TMEM108: variants seen among roughly 807,000 people sequenced by gnomAD.
The protein encoded by TMEM108 is cancer/testis antigen 124.
TMEM108 carries 12 observed loss-of-function variants against 35.1 expected under a neutral mutation model. The observed-to-expected ratio is 0.34, with a 90% CI of 0.22 to 0.55. The LOEUF is 0.55. Among genes scored for constraint, TMEM108 ranks in the 20% least tolerant of loss-of-function variants. The probability of loss-of-function intolerance (pLI) is 0.89; values close to 1 mark genes in which losing one functional copy is unlikely to be tolerated. For missense variants in TMEM108, 680 were observed against 753.3 expected (o/e 0.90, Z 1.14); for synonymous variants, 287 against 308.6 (o/e 0.93, Z 0.73).
intron 3 of TMEM108, among the ~76,000 whole-genome samples, chr3:133,323,651 T>G (rs1375966492): frequency 6.6e-6 from 1 of 152,148 alleles, no homozygotes; most frequent in Non-Finnish European, 1.5e-5. Context: ...CCATCATCAT[T>G]CTTCACAAAA....
At chr3:133,210,470 C>G (rs1945819711) in intron 2 of TMEM108, among the ~76,000 whole-genome samples, 1 of 152,110 alleles carries the variant, frequency 6.6e-6, no homozygotes, top group South Asian at 2.1e-4. Context: ...CATCCCATAA[C>G]CTGGGAGTCA....
rs576874864 is a variant in TMEM108, at chr3:133,139,839, C to T, written c.-46-89427C>T. On this transcript the variant is annotated intron_variant, in intron 2 of 5. Coordinates refer to ENST00000321871, the MANE Select transcript of TMEM108 (RefSeq NM_023943.4). ...TGACATCTCTTATTTCTGATAGTACCCTGGGCACTGTTTTCCATGCCCTGT... is the reference window on the plus strand; with the variant it reads ...TGACATCTCTTATTTCTGATAGTACTCTGGGCACTGTTTTCCATGCCCTGT... Among the ~76,000 whole-genome samples the T allele has an allele frequency of 2.6e-5, 4 of 152,236 alleles. No individual in the cohort carries two copies. The East Asian group carries it at 5.8e-4, about 22-fold the overall frequency.
intron 2 of TMEM108, among the ~76,000 whole-genome samples, chr3:133,105,514 T>A (rs13094054): frequency 3.3e-5 from 5 of 152,144 alleles, no homozygotes; most frequent in Non-Finnish European, 4.4e-5. Flanking sequence ...TTTCCCTGTC[T>A]TAAAGTCAGC....
At chr3:133,105,621 A>ATGTGTG (rs146156516) in intron 2 of TMEM108, among the ~76,000 whole-genome samples, 1 of 151,806 alleles carries the variant, frequency 6.6e-6, no homozygotes, top group Admixed American at 6.6e-5. Flanking sequence ...CCTTGGGGGT[A>ATGTGTG]TGTGTGTGCG....
In TMEM108 at chr3:133,072,166, C is replaced by T. The variant is rs545880729; in HGVS notation, c.-47+26146C>T. Among the ~76,000 whole-genome samples, 5 of 152,128 alleles carry T rather than the reference C, an allele frequency of 3.3e-5. 1 individual carries two copies. The highest frequency in any genetic ancestry group is 1.2e-4 in the African/African-American group (5 of 41,524). On this transcript the variant is annotated intron_variant, in intron 2 of 5. Transcript: ENST00000321871. ...CTCTCTATTCCATTTCTAAGCTTAC[C>T]AGATCATTAGGAGAATCCTGATGAC...
At chr3:133,386,565 C>T (rs940377987) in intron 4 of TMEM108, 17 of 1,492,672 alleles carry the variant, frequency 1.1e-5, no homozygotes, top group East Asian at 5.0e-5. Context: ...TTCCTGGGAA[C>T]CCAAGAGAGC....
At chr3:133,355,627 A>G (rs1167730989) in intron 3 of TMEM108, among the ~76,000 whole-genome samples, 4 of 152,234 alleles carry the variant, frequency 2.6e-5, no homozygotes, top group African/African-American at 7.2e-5. Context: ...TCTCCATTCC[A>G]TATTCCAAAG....
intron 2 of TMEM108, among the ~76,000 whole-genome samples, chr3:133,092,223 A>C (rs987367616): frequency 1.3e-5 from 2 of 152,208 alleles, no homozygotes; most frequent in Admixed American, 1.3e-4. Flanking sequence ...TTCATTCCAG[A>C]TACAGCCTGA....
At chr3:133,124,678 GT>G (rs1158905798) in intron 2 of TMEM108, 1 of 152,288 alleles carries the variant, frequency 6.6e-6, no homozygotes, top group Non-Finnish European at 1.5e-5. Flanking sequence ...GAACAGGCTA[GT>G]AGTTGCTAGG....
intron 3 of TMEM108, among the ~76,000 whole-genome samples, chr3:133,369,722 T>C (rs1215477368): frequency 6.6e-6 from 1 of 152,220 alleles, no homozygotes; most frequent in Non-Finnish European, 1.5e-5. Context: ...ATCTATCAAC[T>C]AGGCTAAAAG....
chr3:133,271,545 C>T (rs1203038442), intron 3 of TMEM108, among the ~76,000 whole-genome samples: 2 of 151,858 alleles, frequency 1.3e-5, no homozygotes, highest in Non-Finnish European at 2.9e-5. Context: ...GTCTTTCTGC[C>T]CATTAGATGC....
intron 2 of TMEM108, among the ~76,000 whole-genome samples, chr3:133,127,187 A>G (rs1010160690): frequency 2.0e-5 from 3 of 152,224 alleles, no homozygotes; most frequent in African/African-American, 7.2e-5. Flanking sequence ...AGTCATTCCA[A>G]ACATGCATAT....
At chr3:133,116,126 T>C (rs1944285271) in intron 2 of TMEM108, among the ~76,000 whole-genome samples, 1 of 152,170 alleles carries the variant, frequency 6.6e-6, no homozygotes, top group African/African-American at 2.4e-5. Flanking sequence ...CTCTATGGGC[T>C]TCATCTTCAA....
chr3:133,052,992 A>G (rs889248776), intron 2 of TMEM108, among the ~76,000 whole-genome samples: 2 of 152,144 alleles, frequency 1.3e-5, no homozygotes, highest in Non-Finnish European at 2.9e-5. Context: ...AATTAGAGTC[A>G]GGGAAGATGC....
At chr3:133,043,430 C>G (rs1943298583) in intron 1 of TMEM108, among the ~76,000 whole-genome samples, 1 of 152,046 alleles carries the variant, frequency 6.6e-6, no homozygotes, top group South Asian at 2.1e-4. Context: ...AACATTTTTA[C>G]CTTTTAAAAA....
intron 2 of TMEM108, among the ~76,000 whole-genome samples, chr3:133,163,796 G>A (rs1259159699): frequency 1.3e-5 from 2 of 152,162 alleles, no homozygotes; most frequent in African/African-American, 4.8e-5. Context: ...GCCATTGGGT[G>A]TAGCATCCTC....
At chr3:133,339,068 C>G (rs1345696240) in intron 3 of TMEM108, among the ~76,000 whole-genome samples, 1 of 151,306 alleles carries the variant, frequency 6.6e-6, no homozygotes, top group Non-Finnish European at 1.5e-5. Flanking sequence ...ACAAAACAAC[C>G]AGGGGGCAAA....
intron 3 of TMEM108, among the ~76,000 whole-genome samples, chr3:133,341,658 C>T (rs2071664949): frequency 6.6e-6 from 1 of 151,714 alleles, no homozygotes; most frequent in Admixed American, 6.6e-5. Context: ...GCTATAATAA[C>T]CTAAACTACA....
intron 2 of TMEM108, among the ~76,000 whole-genome samples, chr3:133,158,149 C>T (rs1001780782): frequency 2.0e-5 from 3 of 152,044 alleles, no homozygotes; most frequent in Non-Finnish European, 4.4e-5. Context: ...CCATATTTAT[C>T]TCTGTGGTGT....
Sources: gnomAD v4.1 joint callset for allele counts (sites outside exome capture counted in the v4.1 genomes callset) on GRCh38, gnomAD v4.1.1 for gene constraint, MANE v1.5 for transcripts, NCBI Gene and HGNC (gene_info 2026-07-23, HGNC 2026-07-21) for gene names.